The following IFT25 variants were observed in gnomAD, a reference collection of about 807,000 sequenced individuals.
The protein encoded by IFT25 is intraflagellar transport protein 25 homolog.
At chr1:53,943,588 T>C in the IFT25 span, among the ~76,000 whole-genome samples, 3 of 152,290 alleles carry the variant, frequency 2.0e-5, no homozygotes, top group African/African-American at 7.2e-5. Flanking sequence ...AGTAATCTAT[T>C]TGGCGGTGGA....
chr1:53,942,967 G>C, the IFT25 span, among the ~76,000 whole-genome samples: 3 of 152,102 alleles, frequency 2.0e-5, no homozygotes, highest in African/African-American at 7.2e-5. Flanking sequence ...AGAGTAAAAA[G>C]TTCATGATGA....
chr1:53,933,884 A>C, the IFT25 span, among the ~76,000 whole-genome samples: 4 of 152,154 alleles, frequency 2.6e-5, 1 homozygote, highest in East Asian at 7.7e-4. Context: ...CTTTATTAGA[A>C]ATTTTTGAAA....
At chr1:53,931,728 G>A in the IFT25 span, among the ~76,000 whole-genome samples, 5 of 148,340 alleles carry the variant, frequency 3.4e-5, no homozygotes, top group African/African-American at 1.3e-4. Flanking sequence ...CTAATAAATT[G>A]CATTTTCTTT....
the IFT25 span, among the ~76,000 whole-genome samples, chr1:53,912,553 T>C: frequency 6.6e-6 from 1 of 152,186 alleles, no homozygotes; most frequent in Non-Finnish European, 1.5e-5. Context: ...CAATGCTTTT[T>C]GGAGCTGGTG....
the IFT25 span, among the ~76,000 whole-genome samples, chr1:53,913,685 A>G: frequency 1.3e-5 from 2 of 152,164 alleles, no homozygotes; most frequent in Non-Finnish European, 2.9e-5. Flanking sequence ...CCCAAAATGC[A>G]TATGTTGAAG....
chr1:53,912,781 C>T, the IFT25 span, among the ~76,000 whole-genome samples: 2 of 152,316 alleles, frequency 1.3e-5, no homozygotes, highest in South Asian at 4.2e-4. Flanking sequence ...CAATGGTTCT[C>T]AAACTTGGGC....
chr1:53,940,141 T>C, the IFT25 span: 1 of 991,336 alleles, frequency 1.0e-6, no homozygotes, highest in Admixed American at 2.2e-5. Flanking sequence ...CTTGATTCTC[T>C]AAACTTTATC....
At chr1:53,934,777 T>C in the IFT25 span, among the ~76,000 whole-genome samples, 3 of 152,166 alleles carry the variant, frequency 2.0e-5, no homozygotes, top group Admixed American at 1.3e-4. Context: ...GGCAGGTAGG[T>C]TGCTTGAGGT....
chr1:53,926,801 C>T, the IFT25 span, among the ~76,000 whole-genome samples: 4 of 151,856 alleles, frequency 2.6e-5, no homozygotes, highest in African/African-American at 9.7e-5. Context: ...CAGCTCATTG[C>T]AGTCTCAACC....
chr1:53,913,487 T>C, the IFT25 span, among the ~76,000 whole-genome samples: 1 of 152,202 alleles, frequency 6.6e-6, no homozygotes, highest in African/African-American at 2.4e-5. Context: ...TGCTGAAACA[T>C]AGTGTGGGAT....
the IFT25 span, among the ~76,000 whole-genome samples, chr1:53,928,175 CACATGTTAAT>C: frequency 2.6e-5 from 4 of 152,164 alleles, no homozygotes; most frequent in Admixed American, 2.6e-4. Context: ...AAAATTAAGT[CACATGTTAAT>C]ACTTATATAA....
the IFT25 span, among the ~76,000 whole-genome samples, chr1:53,933,131 TTC>T: frequency 5.3e-5 from 8 of 149,862 alleles, no homozygotes; most frequent in African/African-American, 1.8e-4. Context: ...CTCTTCCTTT[TTC>T]TCTTTTTTTT....
chr1:53,937,767 A>G, the IFT25 span, among the ~76,000 whole-genome samples: 3 of 152,228 alleles, frequency 2.0e-5, no homozygotes, highest in Non-Finnish European at 4.4e-5. Flanking sequence ...GTGTTTCTGG[A>G]AAGTCCTCTA....
chr1:53,922,045 A>G, the IFT25 span, among the ~76,000 whole-genome samples: 1 of 152,316 alleles, frequency 6.6e-6, no homozygotes, highest in East Asian at 1.9e-4. Flanking sequence ...CCTCAAAGCT[A>G]GTCTCCCAAA....
At chr1:53,939,873 C>T in the IFT25 span, 1 of 665,878 alleles carries the variant, frequency 1.5e-6, no homozygotes, top group Non-Finnish European at 2.6e-6. Context: ...GGTAATCCAC[C>T]AAACATTTAT....
At chr1:53,920,670 A>C in the IFT25 span, among the ~76,000 whole-genome samples, 5 of 152,200 alleles carry the variant, frequency 3.3e-5, no homozygotes, top group Admixed American at 6.5e-5. Flanking sequence ...TAGTATTCTT[A>C]AATAAGAGAA....
chr1:53,918,054 AG>A, the IFT25 span, among the ~76,000 whole-genome samples: 1 of 152,230 alleles, frequency 6.6e-6, no homozygotes, highest in African/African-American at 2.4e-5. Flanking sequence ...AGGATAGGCT[AG>A]GTTATACTGT....
chr1:53,917,328 T>C, the IFT25 span, among the ~76,000 whole-genome samples: 1 of 152,202 alleles, frequency 6.6e-6, no homozygotes, highest in East Asian at 1.9e-4. Context: ...TCTGCTTAAA[T>C]AGTAAGCAAA....
chr1:53,929,802 G>T, the IFT25 span: 1 of 473,826 alleles, frequency 2.1e-6, no homozygotes, highest in Non-Finnish European at 3.3e-6. Context: ...GAAGGGTTTC[G>T]AATTTGCAGT....
Sources: gnomAD v4.1 joint callset for allele counts (sites outside exome capture counted in the v4.1 genomes callset) on GRCh38, gnomAD v4.1.1 for gene constraint, MANE v1.5 for transcripts, NCBI Gene and HGNC (gene_info 2026-07-23, HGNC 2026-07-21) for gene names.